The following GBF1 variants were observed in gnomAD, a reference collection of about 807,000 sequenced individuals.
GBF1 encodes the protein Golgi-specific brefeldin A-resistance guanine nucleotide exchange factor 1.
GBF1 carries 114 observed loss-of-function variants against 210.5 expected under a neutral mutation model. That is an observed-to-expected ratio of 0.54 (90% CI 0.47 to 0.63). The LOEUF (loss-of-function observed/expected upper bound fraction) is 0.63, where lower values mean the gene tolerates loss of function less well. Among genes scored for constraint, GBF1 ranks in the 30% least tolerant of loss-of-function variants. The pLI is 0.00. For missense variants in GBF1, 1,851 were observed against 2,357.7 expected, an observed-to-expected ratio of 0.79 and a Z score of 4.45; for synonymous variants, 850 against 889.2, an observed-to-expected ratio of 0.96 and a Z score of 0.78.
chr10:102,369,931 G>A lies in GBF1; in HGVS notation c.3286G>A (p.Gly1096Ser). The change falls in exon 26 of 40, where the codon GGC (glycine) becomes AGC (serine). Residue 1096 changes from glycine to serine, a missense_variant. Physicochemically the swap from Gly to Ser is moderately conservative, Grantham distance 56. Transcript: ENST00000369983. ...LSGPEQSSVR[G>S]PSTENQEAKR... Reference sequence around the variant, plus strand: ...TGGTCCTGAGCAGTCTAGTGTTCGGGGCCCATCCACTGAAAACCAAGAGGC... The same window carrying A: ...TGGTCCTGAGCAGTCTAGTGTTCGGAGCCCATCCACTGAAAACCAAGAGGC... 1 of 1,614,072 alleles carries A rather than the reference G, an allele frequency of 6.2e-7. No individual in the cohort carries two copies. The highest frequency in any genetic ancestry group is 8.5e-7 in the Non-Finnish European group (1 of 1,179,966).
chr10:102,281,317 G>A (rs2075453928), intron 3 of GBF1, among the ~76,000 whole-genome samples: 4 of 152,214 alleles, frequency 2.6e-5, no homozygotes, highest in East Asian at 1.9e-4. Flanking sequence ...ATTTCTGGGG[G>A]CTAGACTCTT....
chr10:102,231,106 G>A, the GBF1 span: 1 of 1,537,274 alleles, frequency 6.5e-7, no homozygotes, highest in Non-Finnish European at 8.7e-7. Flanking sequence ...CCACACCTGC[G>A]GGCACGGGAG....
At chr10:102,248,685 G>A (rs1216405771) in intron 1 of GBF1, among the ~76,000 whole-genome samples, 1 of 151,980 alleles carries the variant, frequency 6.6e-6, no homozygotes, top group African/African-American at 2.4e-5. Context: ...ACCCCGGCTG[G>A]AGTGCAGAGG....
At chr10:102,373,705 A>G (rs1017376632) in intron 29 of GBF1, among the ~76,000 whole-genome samples, 2 of 152,252 alleles carry the variant, frequency 1.3e-5, no homozygotes, top group African/African-American at 4.8e-5. Flanking sequence ...AAAATGGTAC[A>G]GCTACTCTGC....
Position 102,370,400 on chromosome 10 carries a change from C to T in GBF1, c.3428C>T (p.Thr1143Ile), listed in dbSNP as rs1330036272. 1 of 1,607,690 alleles carries T rather than the reference C, an allele frequency of 6.2e-7. No homozygotes were observed. The highest frequency in any genetic ancestry group is 8.5e-7 in the Non-Finnish European group (1 of 1,174,136). Residue 1143 changes from threonine (T) to isoleucine (I), a missense_variant, in exon 28 of 40, where the codon ACA (threonine) becomes ATA (isoleucine). Around this residue, in one of 3 missense-constraint regions of GBF1, gnomAD observed 967 missense variants for 1,247.7 expected, o/e 0.78. Transcript: ENST00000369983. ...CCCCTTCAGGCTCTGGTCTCAGTGA[C>T]ACCAGATGAAGAGACATATGATGAG... ...QELMKALVSV[T>I]PDEETYDEED... is the part of the protein sequence containing the mutation.
At chr10:102,344,536 A>G (rs1045301569) in intron 4 of GBF1, among the ~76,000 whole-genome samples, 171 of 152,210 alleles carry the variant, frequency 1.1e-3, no homozygotes, top group African/African-American at 3.9e-3. Context: ...GCTGGAGTGC[A>G]GTGGTGTGAT....
chr10:102,307,948 T>C (rs993966061), intron 3 of GBF1, among the ~76,000 whole-genome samples: 1 of 152,044 alleles, frequency 6.6e-6, no homozygotes, highest in African/African-American at 2.4e-5. Context: ...AAAACCACCA[T>C]AGAATACTAC....
At chr10:102,380,956 C>T (rs575216120) in intron 38 of GBF1, among the ~76,000 whole-genome samples, 171 bp from the exon 39 acceptor site, 18 of 151,738 alleles carry the variant, frequency 1.2e-4, no homozygotes, top group African/African-American at 4.1e-4. Context: ...TGCAGTGAGC[C>T]GAGATCACAG....
intron 3 of GBF1, among the ~76,000 whole-genome samples, chr10:102,298,716 A>T (rs1403189368): frequency 6.6e-6 from 1 of 152,110 alleles, no homozygotes; most frequent in Non-Finnish European, 1.5e-5. Flanking sequence ...AAGAGGAAAC[A>T]GAGGTTCCAA....
chr10:102,342,172 G>A (rs943551873), intron 3 of GBF1, among the ~76,000 whole-genome samples: 2 of 151,772 alleles, frequency 1.3e-5, no homozygotes, highest in African/African-American at 4.8e-5. Flanking sequence ...GAGTAGCTGG[G>A]ACTACAGGTG....
At chr10:102,288,722 G>GAAAAAAA (rs1348947076) in intron 3 of GBF1, among the ~76,000 whole-genome samples, 7 of 83,682 alleles carry the variant, frequency 8.4e-5, no homozygotes, top group Admixed American at 1.4e-4. Flanking sequence ...CGTCTCAAAG[G>GAAAAAAA]AAAAAAAAAA....
chr10:102,259,154 C>G, intron 2 of GBF1, 120 bp downstream of exon 2: 1 of 634,628 alleles, frequency 1.6e-6, no homozygotes. Flanking sequence ...CAGAGTTGTT[C>G]TTGATATCTT....
rs1565071251 is a variant in GBF1, at chr10:102,293,762, A to ATTTTT, written c.163+33647_163+33648insTTTTT. On this transcript the variant is annotated intron_variant, in intron 3 of 39. Coordinates refer to ENST00000369983, the MANE Select transcript of GBF1 (RefSeq NM_001377137.1). ...AGAAAATATTTTGTACAGCTGTAGT[A>ATTTTT]TGTTTTGTGTTTTTTTTTTTTTTTT... 4.9e-4 allele frequency among the ~76,000 whole-genome samples: 22 copies of ATTTTT among 44,574 alleles called. 1 individual carries two copies. Among genetic ancestry groups the ATTTTT allele is most frequent in the Non-Finnish European group, 7.9e-4 (19 of 24,090 alleles). The allele number at this position is 44,574 out of a possible 152,430, so 29.2% of individuals were successfully genotyped here.
In GBF1 at chr10:102,375,502, C is replaced by A. The variant is rs373713329; in HGVS notation, c.3804C>A (p.Phe1268Leu). Residue 1268 changes from phenylalanine (F) to leucine (L), a missense_variant, in exon 30 of 40, where the codon TTC becomes TTA. By Grantham distance (22) the Phe-to-Leu change is conservative. Around this residue, in one of 3 missense-constraint regions of GBF1, gnomAD observed 967 missense variants for 1,247.7 expected, o/e 0.78. Coordinates refer to ENST00000369983, the MANE Select transcript of GBF1 (RefSeq NM_001377137.1). ...IHSGDDWATL[F>L]TLLECIGSGV... Reference sequence around the variant, plus strand: ...CAGGTGATGACTGGGCCACACTCTTCACACTGCTGGAGTGCATCGGCTCAG... The same window carrying A: ...CAGGTGATGACTGGGCCACACTCTTAACACTGCTGGAGTGCATCGGCTCAG... 1 of 1,613,946 alleles carries A rather than the reference C, an allele frequency of 6.2e-7. No homozygotes were observed. The highest frequency in any genetic ancestry group is 1.3e-5 in the African/African-American group (1 of 74,946).
chr10:102,303,105 C>T (rs1458129572), intron 3 of GBF1, among the ~76,000 whole-genome samples: 1 of 151,516 alleles, frequency 6.6e-6, no homozygotes, highest in Admixed American at 6.6e-5. Context: ...CTCCTGCCTC[C>T]ACCTCCCAAG....
At chr10:102,243,676 T>C (rs1329563489), upstream of GBF1, among the ~76,000 whole-genome samples, 4 of 152,164 alleles carry the variant, frequency 2.6e-5, no homozygotes. Context: ...TTTGAGGTAA[T>C]GTGGAAAGAG....
At chr10:102,330,226 C>T (rs189705651) in intron 3 of GBF1, among the ~76,000 whole-genome samples, 55 of 152,204 alleles carry the variant, frequency 3.6e-4, no homozygotes, top group African/African-American at 1.3e-3. Flanking sequence ...CACAATAGAC[C>T]TGGATTCAAA....
chr10:102,284,916 C>G (rs1472243652), intron 3 of GBF1, among the ~76,000 whole-genome samples: 3 of 151,776 alleles, frequency 2.0e-5, no homozygotes. Flanking sequence ...GCATCCTTAC[C>G]AACACTTGTT....
At position 102,376,359 on chromosome 10, in the gene GBF1, C is replaced by T; in HGVS notation, c.3974C>T (p.Thr1325Ile). ...TACACTTCCGACTCAGAGGTCTACACTGACCATGGCAGGCCGGGCAAGATA... is the reference window on the plus strand; with the variant it reads ...TACACTTCCGACTCAGAGGTCTACATTGACCATGGCAGGCCGGGCAAGATA... ...RGYTSDSEVYTDHGRPGKIHR... is the reference protein window; with the variant it reads ...RGYTSDSEVYIDHGRPGKIHR... The change falls in exon 31 of 40, where the codon ACT (threonine) becomes ATT (isoleucine). Residue 1325 changes from threonine to isoleucine, a missense_variant. This residue lies in a region of GBF1 where 967 missense variants were observed against 1,247.7 expected (regional missense o/e 0.78). Coordinates refer to ENST00000369983, the MANE Select transcript of GBF1 (RefSeq NM_001377137.1). The T allele has an allele frequency of 1.2e-6, 2 of 1,614,132 alleles. No homozygotes were observed. The highest frequency in any genetic ancestry group is 1.1e-5 in the South Asian group (1 of 91,082).
Sources: allele counts gnomAD v4.1 joint callset (sites outside exome capture counted in the v4.1 genomes callset), GRCh38; gene constraint gnomAD v4.1.1; regional missense constraint gnomAD v4.1.1; transcripts MANE v1.5; gene names NCBI Gene and HGNC (gene_info 2026-07-23, HGNC 2026-07-21).